The following LARS2 variants were observed in gnomAD, a reference collection of about 807,000 sequenced individuals.
The protein encoded by LARS2 is leucine--tRNA ligase, mitochondrial.
In LARS2, 81 loss-of-function variants were observed where a neutral mutation model predicts 116.6. That is an observed-to-expected ratio of 0.69 (90% CI 0.58 to 0.84). LARS2 has a LOEUF of 0.84. Among genes scored for constraint, LARS2 ranks in the 40% least tolerant of loss-of-function variants. LARS2 has a pLI of 0.00. For missense variants in LARS2, 968 were observed against 1,114.5 expected (o/e 0.87, Z 1.87); for synonymous variants, 396 against 407.2 (o/e 0.97, Z 0.33).
At chr3:45,401,871 C>T (rs972572601) in intron 4 of LARS2, among the ~76,000 whole-genome samples, 2 of 152,198 alleles carry the variant, frequency 1.3e-5, no homozygotes, top group Non-Finnish European at 2.9e-5. Context: ...CCACCTCAGC[C>T]TCCCAAGGTG....
intron 6 of LARS2, among the ~76,000 whole-genome samples, chr3:45,435,176 C>G (rs1448447227): frequency 6.6e-6 from 1 of 152,144 alleles, no homozygotes; most frequent in Non-Finnish European, 1.5e-5. Flanking sequence ...GAATTCCTGC[C>G]TCTCCATTCG....
chr3:45,398,043 A>G (rs1698080549), intron 3 of LARS2, among the ~76,000 whole-genome samples: 1 of 152,142 alleles, frequency 6.6e-6, no homozygotes, highest in Admixed American at 6.5e-5. Context: ...GTATAAATCC[A>G]TTGTAGTTGT....
At chr3:45,396,691 A>G (rs993879300) in intron 3 of LARS2, among the ~76,000 whole-genome samples, 7 of 152,216 alleles carry the variant, frequency 4.6e-5, no homozygotes, top group Non-Finnish European at 8.8e-5. Flanking sequence ...CTGTCTTTCA[A>G]TTGATTATCT....
chr3:45,441,748 A>G (rs918492930), intron 6 of LARS2, among the ~76,000 whole-genome samples: 2 of 152,208 alleles, frequency 1.3e-5, no homozygotes, highest in Non-Finnish European at 2.9e-5. Flanking sequence ...GCTGCTGGCC[A>G]GACTGGCTTA....
At chr3:45,392,835 AT>A (rs1697979350) in intron 2 of LARS2, among the ~76,000 whole-genome samples, 1 of 152,162 alleles carries the variant, frequency 6.6e-6, no homozygotes, top group African/African-American at 2.4e-5. Context: ...TAGAAGTGGA[AT>A]TTTGAGAGAA....
intron 15 of LARS2, among the ~76,000 whole-genome samples, chr3:45,501,506 T>C (rs1472908885): frequency 6.6e-6 from 1 of 152,184 alleles, no homozygotes; most frequent in African/African-American, 2.4e-5. Flanking sequence ...TATATTTCAT[T>C]CCTGTTTCAC....
intron 10 of LARS2, 106 bp downstream of exon 10, chr3:45,476,733 GTTC>G: frequency 8.8e-7 from 1 of 1,136,708 alleles, no homozygotes; most frequent in Middle Eastern, 2.9e-4. Context: ...TGCGTGGGTT[GTTC>G]TTTGCCTTAG....
At chr3:45,531,258 GAATT>G (rs1700610372) in intron 20 of LARS2, among the ~76,000 whole-genome samples, 1 of 152,014 alleles carries the variant, frequency 6.6e-6, no homozygotes, top group East Asian at 1.9e-4. Flanking sequence ...CTATAAGAAA[GAATT>G]AATCTATTAA....
chr3:45,474,172 C>A, intron 8 of LARS2, 71 bp from the exon 9 acceptor site: 3 of 935,258 alleles, frequency 3.2e-6, no homozygotes, highest in Non-Finnish European at 5.0e-6. Context: ...CCTTAACAAG[C>A]TGCAAATCAT....
At chr3:45,434,216 T>G (rs1193430685) in intron 6 of LARS2, among the ~76,000 whole-genome samples, 1 of 152,230 alleles carries the variant, frequency 6.6e-6, no homozygotes, top group Non-Finnish European at 1.5e-5. Context: ...TCTGATGACA[T>G]GCATGTCAGA....
intron 5 of LARS2, 135 bp downstream of exon 5, chr3:45,417,708 A>T (rs1001969780): frequency 3.3e-6 from 2 of 604,298 alleles, no homozygotes; most frequent in Non-Finnish European, 5.9e-6. Context: ...GATTGTGTAT[A>T]TTGGTGTTTG....
chr3:45,465,021 G>C (rs1289200434), intron 8 of LARS2, among the ~76,000 whole-genome samples: 1 of 151,998 alleles, frequency 6.6e-6, no homozygotes, highest in Non-Finnish European at 1.5e-5. Flanking sequence ...TGTGGGGTAG[G>C]AGGCCAGAGC....
intron 15 of LARS2, among the ~76,000 whole-genome samples, chr3:45,512,100 C>T (rs868010293): frequency 2.6e-5 from 4 of 152,052 alleles, no homozygotes; most frequent in Non-Finnish European, 5.9e-5. Flanking sequence ...GATCATCCTA[C>T]CTATCTTTAT....
chr3:45,423,746 A>G (rs113015288), intron 6 of LARS2, among the ~76,000 whole-genome samples: 5 of 152,214 alleles, frequency 3.3e-5, no homozygotes, highest in African/African-American at 9.6e-5. Context: ...AAATTTTTTC[A>G]TTTCTGAACA....
chr3:45,536,304 A>G (rs368885032), intron 20 of LARS2, among the ~76,000 whole-genome samples: 2 of 152,118 alleles, frequency 1.3e-5, no homozygotes, highest in African/African-American at 4.8e-5. Context: ...ATTTTTTTGT[A>G]GAGACTAGGG....
At chr3:45,469,206 A>C (rs1699481126) in intron 8 of LARS2, among the ~76,000 whole-genome samples, 1 of 152,216 alleles carries the variant, frequency 6.6e-6, no homozygotes, top group Non-Finnish European at 1.5e-5. Flanking sequence ...TGCTACAACA[A>C]ATGGATTTTG....
chr3:45,490,331 T>C (rs571761157), intron 12 of LARS2, among the ~76,000 whole-genome samples: 1 of 152,350 alleles, frequency 6.6e-6, no homozygotes, highest in African/African-American at 2.4e-5. Context: ...AGTACAGTAC[T>C]CTGAGCATTA....
chr3:45,450,954 T>C (rs569601890), intron 7 of LARS2, among the ~76,000 whole-genome samples: 1 of 152,336 alleles, frequency 6.6e-6, no homozygotes, highest in African/African-American at 2.4e-5. Context: ...TTAAACATTT[T>C]TTTTCATATA....
At chr3:45,491,901 T>C (rs1699923936) in intron 13 of LARS2, 101 bp downstream of exon 13, 9 of 1,120,354 alleles carry the variant, frequency 8.0e-6, no homozygotes, top group African/African-American at 1.5e-5. Flanking sequence ...CTGCTCCCTT[T>C]TTCCCTGACT....
Sources: gnomAD v4.1 joint callset for allele counts (sites outside exome capture counted in the v4.1 genomes callset) on GRCh38, gnomAD v4.1.1 for gene constraint, MANE v1.5 for transcripts, NCBI Gene and HGNC (gene_info 2026-07-23, HGNC 2026-07-21) for gene names.